SCHIP1: variants seen among roughly 807,000 people sequenced by gnomAD.
SCHIP1 encodes the protein schwannomin interacting protein 1.
Under a neutral mutation model 29.7 loss-of-function variants are expected in SCHIP1, and 8 were observed. The ratio of observed to expected loss-of-function variants is 0.27; its 90% CI spans 0.16 to 0.49. The LOEUF (loss-of-function observed/expected upper bound fraction) is 0.49. Among genes scored for constraint, SCHIP1 ranks in the 20% least tolerant of loss-of-function variants. The pLI is 0.99. For missense variants in SCHIP1, 193 were observed against 294.6 expected (o/e 0.66, Z 2.52); for synonymous variants, 76 against 94.9 (o/e 0.80, Z 1.16).
At chr3:159,553,797 G>C in the SCHIP1 span, among the ~76,000 whole-genome samples, 2 of 151,354 alleles carry the variant, frequency 1.3e-5, no homozygotes, top group African/African-American at 4.8e-5. Context: ...AGATATTTTT[G>C]TTTGTTGGTT....
chr3:159,614,138 A>G, the SCHIP1 span, among the ~76,000 whole-genome samples: 2 of 152,202 alleles, frequency 1.3e-5, no homozygotes, highest in African/African-American at 2.4e-5. Flanking sequence ...GGATTTGAAT[A>G]TAAGTAGTGT....
the SCHIP1 span, among the ~76,000 whole-genome samples, chr3:159,313,159 G>A: frequency 6.6e-6 from 1 of 152,146 alleles, no homozygotes; most frequent in Non-Finnish European, 1.5e-5. Context: ...ACAACAAAAA[G>A]CTTCTTTATC....
At chr3:159,534,178 CAGT>C in the SCHIP1 span, among the ~76,000 whole-genome samples, 1 of 152,124 alleles carries the variant, frequency 6.6e-6, no homozygotes, top group Non-Finnish European at 1.5e-5. Context: ...CTCTGGATTA[CAGT>C]AGAATTCAAG....
chr3:159,869,751 G>T lies in SCHIP1; in HGVS notation c.149+3470G>T, dbSNP rs76642273. ...ATCAAGTTCAACAAAATACTCTCTTGGAATTTTGACTGTAATTGCATTGAT... is the reference window on the plus strand; with the variant it reads ...ATCAAGTTCAACAAAATACTCTCTTTGAATTTTGACTGTAATTGCATTGAT... On this transcript the variant is annotated intron_variant, in intron 2 of 6. Coordinates refer to ENST00000445224, the Ensembl canonical transcript of SCHIP1. 8.7e-3 allele frequency among the ~76,000 whole-genome samples: 1,326 copies of T among 151,706 alleles called. 17 individuals carry two copies. The highest frequency in any genetic ancestry group is 0.025 in the African/African-American group (1,039 of 41,418).
At chr3:159,658,016 A>G in the SCHIP1 span, among the ~76,000 whole-genome samples, 1 of 152,232 alleles carries the variant, frequency 6.6e-6, no homozygotes, top group African/African-American at 2.4e-5. Context: ...ATGTTCCAGG[A>G]GTGGTGCCTA....
At chr3:159,313,629 G>A in the SCHIP1 span, among the ~76,000 whole-genome samples, 1 of 152,098 alleles carries the variant, frequency 6.6e-6, no homozygotes, top group Non-Finnish European at 1.5e-5. Flanking sequence ...ATCTAATGTA[G>A]CCAGGTACAG....
the SCHIP1 span, among the ~76,000 whole-genome samples, chr3:159,812,247 A>G: frequency 6.6e-6 from 1 of 152,150 alleles, no homozygotes; most frequent in East Asian, 1.9e-4. Flanking sequence ...CTGGGATTAC[A>G]GGTGTGAGCC....
the SCHIP1 span, among the ~76,000 whole-genome samples, chr3:159,393,020 T>C: frequency 2.0e-5 from 3 of 152,220 alleles, no homozygotes; most frequent in African/African-American, 4.8e-5. Flanking sequence ...TGGTGTGAGA[T>C]GGTATCTCAT....
At chr3:159,776,425 A>G in the SCHIP1 span, among the ~76,000 whole-genome samples, 572 of 150,080 alleles carry the variant, frequency 3.8e-3, 2 homozygotes, top group African/African-American at 0.013. Context: ...TGGGTTGCCC[A>G]GTGCTCTGTC....
At chr3:159,786,611 T>C in the SCHIP1 span, among the ~76,000 whole-genome samples, 1 of 152,014 alleles carries the variant, frequency 6.6e-6, no homozygotes, top group Non-Finnish European at 1.5e-5. Flanking sequence ...TCATAAATCA[T>C]AGTTTAGTTT....
chr3:159,457,449 G>A, the SCHIP1 span, among the ~76,000 whole-genome samples: 2 of 151,642 alleles, frequency 1.3e-5, no homozygotes, highest in African/African-American at 4.8e-5. Context: ...TGCAAAATTG[G>A]TGCTGTGCTT....
chr3:159,450,334 A>G, the SCHIP1 span, among the ~76,000 whole-genome samples: 1 of 152,240 alleles, frequency 6.6e-6, no homozygotes, highest in Non-Finnish European at 1.5e-5. Context: ...AAGTGTCAAC[A>G]AAATGCCCCT....
the SCHIP1 span, among the ~76,000 whole-genome samples, chr3:159,596,021 C>T: frequency 6.6e-6 from 1 of 152,336 alleles, no homozygotes; most frequent in East Asian, 1.9e-4. Context: ...AGGCAACCTA[C>T]AGAATGGGAG....
the SCHIP1 span, among the ~76,000 whole-genome samples, chr3:159,653,749 TAA>T: frequency 0.2 from 21,641 of 108,648 alleles, 4,454 homozygotes; most frequent in African/African-American, 0.52. Flanking sequence ...GAACTTAAAG[TAA>T]AAAAAAAAAA....
the SCHIP1 span, among the ~76,000 whole-genome samples, chr3:159,460,320 G>A: frequency 7.9e-5 from 12 of 152,236 alleles, no homozygotes; most frequent in East Asian, 1.7e-3. Context: ...CATCCAAACC[G>A]AATAAGGTGA....
chr3:159,506,759 C>G, the SCHIP1 span, among the ~76,000 whole-genome samples: 1 of 152,140 alleles, frequency 6.6e-6, no homozygotes, highest in Non-Finnish European at 1.5e-5. Context: ...TCAGGTTTGT[C>G]AAAGACCAGA....
At chr3:159,375,762 T>A in the SCHIP1 span, 1 of 764,150 alleles carries the variant, frequency 1.3e-6, no homozygotes, top group African/African-American at 2.2e-5. Flanking sequence ...ATAAATAAAC[T>A]GTTTGATACA....
chr3:159,455,093 T>C, the SCHIP1 span, among the ~76,000 whole-genome samples: 1 of 152,190 alleles, frequency 6.6e-6, no homozygotes, highest in African/African-American at 2.4e-5. Flanking sequence ...AGAAAATGAA[T>C]CTGGATATTT....
chr3:159,777,387 G>T, the SCHIP1 span, among the ~76,000 whole-genome samples: 2 of 152,072 alleles, frequency 1.3e-5, no homozygotes, highest in Non-Finnish European at 2.9e-5. Context: ...CTTATTTATT[G>T]ACACCAGAGT....
Sources: gnomAD v4.1 joint callset for allele counts (sites outside exome capture counted in the v4.1 genomes callset) on GRCh38, gnomAD v4.1.1 for gene constraint, MANE v1.5 for transcripts, NCBI Gene and HGNC (gene_info 2026-07-23, HGNC 2026-07-21) for gene names.